Variants in CDKAL1 observed in about 807,000 individuals in gnomAD.
The protein encoded by CDKAL1 is CDKAL1 threonylcarbamoyladenosine tRNA methylthiotransferase, also known as threonylcarbamoyladenosine tRNA methylthiotransferase.
A neutral mutation model predicts 68.2 loss-of-function variants in CDKAL1; 32 were observed. The observed-to-expected ratio is 0.47, with a 90% CI of 0.35 to 0.63. CDKAL1 has a LOEUF of 0.63. CDKAL1 is among the 30% of genes least tolerant of loss of function. The pLI is 0.00. For synonymous variants in CDKAL1, 234 were observed against 244.3 expected (o/e 0.96, Z 0.39); for missense variants, 606 against 696.7 (o/e 0.87, Z 1.47).
chr6:20,826,162 T>G (rs1777494690), intron 8 of CDKAL1, among the ~76,000 whole-genome samples: 1 of 152,140 alleles, frequency 6.6e-6, no homozygotes, highest in Non-Finnish European at 1.5e-5. Context: ...CAGAAGCCAC[T>G]TTTCCACTCT....
At chr6:20,992,031 CTTTTTTTTTTTT>C (rs71530401) in intron 10 of CDKAL1, among the ~76,000 whole-genome samples, 1 of 100,476 alleles carries the variant, frequency 1.0e-5, no homozygotes, top group Non-Finnish European at 1.9e-5. Context: ...TTTTTCTTTT[CTTTTTTTTTTTT>C]TTTTTTTTTT....
chr6:20,858,549 A>G (rs1012711878), intron 9 of CDKAL1, among the ~76,000 whole-genome samples: 2 of 152,164 alleles, frequency 1.3e-5, no homozygotes, highest in Non-Finnish European at 2.9e-5. Flanking sequence ...ATAGTAATAT[A>G]TAAATTTGTG....
At chr6:20,910,163 G>T (rs550750798) in intron 9 of CDKAL1, among the ~76,000 whole-genome samples, 15 of 152,314 alleles carry the variant, frequency 9.8e-5, no homozygotes, top group Admixed American at 2.6e-4. Flanking sequence ...TGAAAAGAAT[G>T]ACTTGAGCTA....
chr6:21,088,318 A>G (rs1235105537), intron 12 of CDKAL1, among the ~76,000 whole-genome samples: 1 of 152,238 alleles, frequency 6.6e-6, no homozygotes, highest in Non-Finnish European at 1.5e-5. Context: ...AAACTGGAGA[A>G]GACTTCATTT....
chr6:21,093,807 G>C (rs892446399), intron 12 of CDKAL1, among the ~76,000 whole-genome samples: 4 of 138,874 alleles, frequency 2.9e-5, no homozygotes, highest in African/African-American at 1.1e-4. Context: ...CTGCAACCTT[G>C]AACTCCCAGG....
intron 5 of CDKAL1, among the ~76,000 whole-genome samples, chr6:20,674,474 A>G (rs1440441113): frequency 6.6e-6 from 1 of 152,250 alleles, no homozygotes; most frequent in Non-Finnish European, 1.5e-5. Context: ...GTAACCATAC[A>G]TATTTATGGA....
chr6:21,160,458 C>A (rs9295499), intron 13 of CDKAL1, among the ~76,000 whole-genome samples: 47,065 of 150,616 alleles, frequency 0.31, 7,455 homozygotes, highest in South Asian at 0.38. Context: ...CCACCATGCC[C>A]AGCTAATTTT....
intron 9 of CDKAL1, among the ~76,000 whole-genome samples, chr6:20,920,325 A>T (rs1039587783): frequency 6.6e-6 from 1 of 152,186 alleles, no homozygotes; most frequent in African/African-American, 2.4e-5. Context: ...ACTGAGTTAA[A>T]AATAAAGGTT....
chr6:20,717,805 A>T (rs1330720018), intron 5 of CDKAL1, among the ~76,000 whole-genome samples: 1 of 152,002 alleles, frequency 6.6e-6, no homozygotes, highest in Non-Finnish European at 1.5e-5. Flanking sequence ...CCTTTTTTGT[A>T]TATGGGGAAT....
chr6:21,086,923 G>A (rs966834048), intron 12 of CDKAL1, among the ~76,000 whole-genome samples: 2 of 152,036 alleles, frequency 1.3e-5, no homozygotes, highest in African/African-American at 4.8e-5. Context: ...AAATGTCATT[G>A]TCCTAAAATA....
intron 13 of CDKAL1, among the ~76,000 whole-genome samples, chr6:21,178,468 C>G (rs1226446758): frequency 1.3e-5 from 2 of 151,988 alleles, no homozygotes; most frequent in African/African-American, 4.8e-5. Context: ...GAAGAGGAAG[C>G]CATGTTTATT....
chr6:20,626,910 A>G (rs545653982), intron 4 of CDKAL1, among the ~76,000 whole-genome samples: 4 of 152,282 alleles, frequency 2.6e-5, no homozygotes, highest in Admixed American at 6.5e-5. Context: ...ACTGTTTCAC[A>G]TGGCCACCTC....
chr6:20,701,605 CCCAT>C (rs1771363602), intron 5 of CDKAL1, among the ~76,000 whole-genome samples: 2 of 152,112 alleles, frequency 1.3e-5, no homozygotes, highest in Non-Finnish European at 2.9e-5. Flanking sequence ...GCTTGGTGTG[CCCAT>C]GTCTTCTGCC....
chr6:21,117,294 T>G (rs1448609470), intron 13 of CDKAL1, among the ~76,000 whole-genome samples: 1 of 152,076 alleles, frequency 6.6e-6, no homozygotes, highest in African/African-American at 2.4e-5. Context: ...AATTGTTTTT[T>G]TTTTTTTTTA....
At chr6:20,891,536 A>T (rs1469837817) in intron 9 of CDKAL1, among the ~76,000 whole-genome samples, 21 of 127,488 alleles carry the variant, frequency 1.6e-4, no homozygotes, top group South Asian at 5.1e-4. Context: ...TTTTTTCTGT[A>T]TTTTTTTTTT....
intron 9 of CDKAL1, among the ~76,000 whole-genome samples, chr6:20,898,336 G>A (rs1450629621): frequency 5.3e-5 from 8 of 150,414 alleles, no homozygotes; most frequent in African/African-American, 2.0e-4. Context: ...CTCCAACCAT[G>A]CCTCCTATGA....
At chr6:21,229,325 T>C (rs1454849107) in intron 15 of CDKAL1, among the ~76,000 whole-genome samples, 78 of 152,294 alleles carry the variant, frequency 5.1e-4, no homozygotes, top group Non-Finnish European at 4.4e-5. Flanking sequence ...AAAAGTCTGT[T>C]GTTCCCTCTG....
chr6:21,182,067 T>C (rs1777810963), intron 13 of CDKAL1, among the ~76,000 whole-genome samples: 1 of 152,212 alleles, frequency 6.6e-6, no homozygotes, highest in South Asian at 2.1e-4. Flanking sequence ...TGAACCAAGG[T>C]ACTTAAATTC....
At chr6:20,883,055 G>A (rs991752753) in intron 9 of CDKAL1, among the ~76,000 whole-genome samples, 12 of 151,862 alleles carry the variant, frequency 7.9e-5, no homozygotes, top group Non-Finnish European at 1.6e-4. Context: ...TTGCTCATCC[G>A]TAAGAGAGAA....
Sources: gnomAD v4.1 joint callset for allele counts (sites outside exome capture counted in the v4.1 genomes callset) on GRCh38, gnomAD v4.1.1 for gene constraint, MANE v1.5 for transcripts, NCBI Gene and HGNC (gene_info 2026-07-23, HGNC 2026-07-21) for gene names.